The following SHISA6 variants were observed in gnomAD, a reference collection of about 807,000 sequenced individuals.
SHISA6 encodes protein shisa-6.
Under a neutral mutation model 47.9 loss-of-function variants are expected in SHISA6, and 22 were observed. The ratio of observed to expected loss-of-function variants is 0.46; its 90% CI spans 0.33 to 0.66. The LOEUF is 0.66. Among genes scored for constraint, SHISA6 ranks in the 30% least tolerant of loss-of-function variants. The pLI is 0.02. For synonymous variants in SHISA6, 388 were observed against 337.8 expected, an observed-to-expected ratio of 1.15 and a Z score of -1.63; for missense variants, 680 against 764.6, an observed-to-expected ratio of 0.89 and a Z score of 1.30.
chr17:11,511,590 T>C (rs1352593869), intron 3 of SHISA6, among the ~76,000 whole-genome samples: 1 of 149,672 alleles, frequency 6.7e-6, no homozygotes, highest in Non-Finnish European at 1.5e-5. Flanking sequence ...AAAAAATGCC[T>C]GGTTCAGTTA....
chr17:11,280,175 G>A (rs1909071515), intron 2 of SHISA6, among the ~76,000 whole-genome samples: 1 of 152,218 alleles, frequency 6.6e-6, no homozygotes, highest in African/African-American at 2.4e-5. Flanking sequence ...CACCTTGCAA[G>A]TCCTGTTTTG....
At position 11,241,863 on chromosome 17, in the gene SHISA6, C is replaced by T. The variant is rs951142769; in HGVS notation, c.441C>T (p.Ser147=). Reference sequence around the variant, plus strand: ...AGCGCCAGTGCACCAACTACCAGAGCCCGGTGTGGGTACAGACGCCCAGCA... The same window carrying T: ...AGCGCCAGTGCACCAACTACCAGAGTCCGGTGTGGGTACAGACGCCCAGCA... ...LDQRQCTNYQ[S]PVWVQTPSTK... The change falls in exon 1 of 6, where the codon AGC becomes AGT. Residue 147 remains serine (S), a synonymous_variant. Coordinates refer to ENST00000441885, the MANE Select transcript of SHISA6 (RefSeq NM_207386.4). This position sits in a 1 kb window ranked among gnomAD's most constrained non-coding sequence, Gnocchi z 5.5. 6.4e-7 allele frequency: 1 copy of T among 1,551,246 alleles called. No individual in the cohort carries two copies. Among genetic ancestry groups the T allele is most frequent in the African/African-American group, 1.4e-5 (1 of 73,074 alleles).
intron 2 of SHISA6, among the ~76,000 whole-genome samples, chr17:11,267,851 C>G (rs1318659062): frequency 1.3e-5 from 2 of 152,110 alleles, no homozygotes; most frequent in African/African-American, 4.8e-5. Context: ...GACCCCTGGG[C>G]AAAAGCGGGC....
chr17:11,317,184 T>G (rs1910552207), intron 2 of SHISA6, among the ~76,000 whole-genome samples: 1 of 152,108 alleles, frequency 6.6e-6, no homozygotes, highest in Admixed American at 6.5e-5. Flanking sequence ...TTTAAAAACC[T>G]TAGTGAATTA....
chr17:11,439,515 T>C (rs1915043180), intron 3 of SHISA6, among the ~76,000 whole-genome samples: 1 of 152,184 alleles, frequency 6.6e-6, no homozygotes, highest in Non-Finnish European at 1.5e-5. Context: ...ATGGGTAGCG[T>C]GGAGTCCAGC....
At chr17:11,525,725 A>G (rs2071673600) in intron 3 of SHISA6, among the ~76,000 whole-genome samples, 1 of 151,126 alleles carries the variant, frequency 6.6e-6, no homozygotes, top group Non-Finnish European at 1.5e-5. Flanking sequence ...TTTATATAAC[A>G]GTCTTTATGG....
chr17:11,506,182 G>A (rs139337320), intron 3 of SHISA6, among the ~76,000 whole-genome samples: 1 of 152,148 alleles, frequency 6.6e-6, no homozygotes, highest in Non-Finnish European at 1.5e-5. Flanking sequence ...GAGATGGTCA[G>A]AGCATTCTCT....
chr17:11,270,906 C>T (rs1053200288), intron 2 of SHISA6, among the ~76,000 whole-genome samples: 9 of 152,144 alleles, frequency 5.9e-5, no homozygotes, highest in Admixed American at 1.3e-4. Flanking sequence ...AGGTCCCATT[C>T]CCCTCTTTCC....
intron 3 of SHISA6, among the ~76,000 whole-genome samples, chr17:11,526,900 T>C (rs1302280183): frequency 1.1e-4 from 2 of 18,774 alleles, no homozygotes; most frequent in African/African-American, 5.2e-4. Context: ...TATATATATA[T>C]ATATATATAT....
chr17:11,307,178 C>CT (rs529248261), intron 2 of SHISA6, among the ~76,000 whole-genome samples: 3 of 127,852 alleles, frequency 2.3e-5, no homozygotes, highest in South Asian at 4.9e-4. Context: ...TTTTATTATA[C>CT]TTTAAGTTTT....
At chr17:11,251,000 C>T (rs551982788) in intron 1 of SHISA6, among the ~76,000 whole-genome samples, 2 of 152,228 alleles carry the variant, frequency 1.3e-5, no homozygotes, top group African/African-American at 2.4e-5. Context: ...ATCATCCCGT[C>T]TGAGTGTAGG....
Position 11,552,278 on chromosome 17 carries a change from C to T in SHISA6, c.952+326C>T, listed in dbSNP as rs542347664. Among the ~76,000 whole-genome samples, 7 of 152,336 alleles carry T rather than the reference C, an allele frequency of 4.6e-5. No homozygotes were observed. In the South Asian group the frequency reaches 1.5e-3, roughly 32 times the overall value. ...TCCACAGCAAGGAGTGGAACACCCT[C>T]CTTTGTTCAAAGCTATTTGTGATAT... On this transcript the variant is annotated intron_variant, in intron 4 of 5. Coordinates refer to ENST00000441885, the MANE Select transcript of SHISA6 (RefSeq NM_207386.4).
At chr17:11,500,176 C>G (rs2071439764) in intron 3 of SHISA6, among the ~76,000 whole-genome samples, 1 of 152,198 alleles carries the variant, frequency 6.6e-6, no homozygotes, top group Non-Finnish European at 1.5e-5. Flanking sequence ...TGTATGCACT[C>G]CTTCCCTGCT....
chr17:11,423,215 ATG>A lies in SHISA6; in HGVS notation c.895+43730_895+43731del, dbSNP rs140387181. 7.0e-3 allele frequency among the ~76,000 whole-genome samples: 944 copies of A among 135,668 alleles called. 11 individuals carry two copies. Among genetic ancestry groups the A allele is most frequent in the African/African-American group, 0.022 (734 of 33,330 alleles). 89.0% of individuals were successfully genotyped at this position (135,668 alleles called of 152,430 possible). On this transcript the variant is annotated intron_variant, in intron 3 of 5. Coordinates refer to ENST00000441885, the MANE Select transcript of SHISA6 (RefSeq NM_207386.4). ...TTGCATTTCTGTGTAACATATATGT[ATG>A]TGTGTGTGTGTGTGTGTGTGTGTAT...
intron 3 of SHISA6, among the ~76,000 whole-genome samples, chr17:11,534,440 T>C (rs1489234610): frequency 1.3e-5 from 2 of 152,162 alleles, no homozygotes; most frequent in Non-Finnish European, 1.5e-5. Flanking sequence ...AATGGATGCA[T>C]GTTGAGTGGA....
intron 3 of SHISA6, among the ~76,000 whole-genome samples, chr17:11,389,434 C>T (rs1029779629): frequency 6.6e-6 from 1 of 152,180 alleles, no homozygotes; most frequent in Non-Finnish European, 1.5e-5. Context: ...CCATGGCCCC[C>T]GGTAGGGAGC....
chr17:11,255,211 TTAAA>T (rs1345880615), intron 1 of SHISA6, among the ~76,000 whole-genome samples: 1 of 152,184 alleles, frequency 6.6e-6, no homozygotes, highest in Non-Finnish European at 1.5e-5. Context: ...TCAGTAGAAA[TTAAA>T]GTGGTCTTTT....
intron 2 of SHISA6, among the ~76,000 whole-genome samples, chr17:11,356,857 G>A (rs557331393): frequency 6.6e-6 from 1 of 152,228 alleles, no homozygotes; most frequent in East Asian, 1.9e-4. Flanking sequence ...GGCGAGGTCA[G>A]GGGTGAACAA....
At chr17:11,284,211 T>C (rs1054615695) in intron 2 of SHISA6, among the ~76,000 whole-genome samples, 4 of 152,214 alleles carry the variant, frequency 2.6e-5, no homozygotes, top group Non-Finnish European at 5.9e-5. Context: ...ACTGAAGACT[T>C]TATTTGGCTT....
Sources: gnomAD v4.1 joint callset for allele counts (sites outside exome capture counted in the v4.1 genomes callset) on GRCh38, gnomAD v4.1.1 for gene constraint, Gnocchi (gnomAD v3.1) non-coding constraint, MANE v1.5 for transcripts, NCBI Gene and HGNC (gene_info 2026-07-23, HGNC 2026-07-21) for gene names.